CCDC167: variants seen among roughly 807,000 people sequenced by gnomAD.
CCDC167 encodes the protein coiled-coil domain containing 167.
In CCDC167, 15 loss-of-function variants were observed where a neutral mutation model predicts 12.7. The ratio of observed to expected loss-of-function variants is 1.18; its 90% CI spans 0.79 to 1.81. The LOEUF (loss-of-function observed/expected upper bound fraction) is 1.81, where lower values mean the gene tolerates loss of function less well. CCDC167 is among the 40% of genes most tolerant of loss of function. The probability of loss-of-function intolerance (pLI) is 0.00; values close to 1 mark genes in which losing one functional copy is unlikely to be tolerated. For missense variants in CCDC167, 121 were observed against 120.1 expected, an observed-to-expected ratio of 1.01 and a Z score of -0.03; for synonymous variants, 52 against 49.0, an observed-to-expected ratio of 1.06 and a Z score of -0.26.
chr6:37,486,508 TC>T (rs1379710095), intron 1 of CCDC167, among the ~76,000 whole-genome samples: 1 of 152,168 alleles, frequency 6.6e-6, no homozygotes, highest in Non-Finnish European at 1.5e-5. Context: ...CTCAGCCACT[TC>T]CATGTCAGCC....
chr6:37,498,706 TC>T (rs1762127948), intron 1 of CCDC167, among the ~76,000 whole-genome samples: 1 of 151,840 alleles, frequency 6.6e-6, no homozygotes, highest in Admixed American at 6.6e-5. Context: ...GTGCCTGTAA[TC>T]CCAGCTACTC....
chr6:37,489,762 C>G (rs1761992386), intron 1 of CCDC167, among the ~76,000 whole-genome samples: 1 of 152,200 alleles, frequency 6.6e-6, no homozygotes, highest in Non-Finnish European at 1.5e-5. Context: ...GCCACAGGGG[C>G]TCCCAGGACT....
At chr6:37,489,279 T>C (rs1254366668) in intron 1 of CCDC167, among the ~76,000 whole-genome samples, 2 of 150,938 alleles carry the variant, frequency 1.3e-5, no homozygotes, top group Non-Finnish European at 2.9e-5. Context: ...GGGTGTGAGG[T>C]GGAGAGGAAT....
chr6:37,496,701 T>C (rs1762102619), intron 1 of CCDC167, among the ~76,000 whole-genome samples: 1 of 152,230 alleles, frequency 6.6e-6, no homozygotes, highest in African/African-American at 2.4e-5. Flanking sequence ...CAATGTCTCA[T>C]TTAATCCTCA....
At chr6:37,494,091 GT>G (rs1159762036) in intron 1 of CCDC167, among the ~76,000 whole-genome samples, 50 of 108,400 alleles carry the variant, frequency 4.6e-4, no homozygotes, top group African/African-American at 1.6e-3. Flanking sequence ...TTGAGACGAA[GT>G]TTCCCTCTTG....
intron 3 of CCDC167, among the ~76,000 whole-genome samples, chr6:37,483,964 G>A (rs1008664147): frequency 2.6e-5 from 4 of 152,222 alleles, no homozygotes; most frequent in Non-Finnish European, 5.9e-5. Flanking sequence ...GTGGTTTTGT[G>A]TGAAAACCGC....
At chr6:37,484,595 C>G (rs1761917236) in intron 3 of CCDC167, among the ~76,000 whole-genome samples, 1 of 152,220 alleles carries the variant, frequency 6.6e-6, no homozygotes, top group South Asian at 2.1e-4. Flanking sequence ...GCAGACAGAC[C>G]CACAGGCGGT....
chr6:37,486,405 GTT>G (rs913688724), intron 1 of CCDC167, among the ~76,000 whole-genome samples: 3 of 152,214 alleles, frequency 2.0e-5, no homozygotes, highest in African/African-American at 7.2e-5. Context: ...ACAATGGCTG[GTT>G]AGAGGGTAGC....
intron 1 of CCDC167, among the ~76,000 whole-genome samples, chr6:37,486,319 C>G (rs1761942212): frequency 6.6e-6 from 1 of 152,218 alleles, no homozygotes; most frequent in Non-Finnish European, 1.5e-5. Flanking sequence ...TCAGCCAGTT[C>G]TCTGCCCCAT....
rs557236707 is a variant in CCDC167, at chr6:37,499,859, G to C, written c.5C>G (p.Thr2Ser). 1.2e-6 allele frequency: 2 copies of C among 1,614,114 alleles called. No homozygotes were observed. The highest frequency in any genetic ancestry group is 2.2e-5 in the South Asian group (2 of 91,080). ...GCCCAGATTCTCCCGCTTCTTTTTA[G>C]TCATGTTACTTGCCGGGATCCCCCA... M[T>S]KKKRENLGVA... is the part of the protein sequence containing the mutation. Residue 2 changes from threonine (T) to serine (S), a missense_variant, in exon 1 of 4, where the codon ACT becomes AGT. Thr to Ser is a moderately conservative substitution (Grantham distance 58). Coordinates refer to ENST00000373408, the MANE Select transcript of CCDC167 (RefSeq NM_138493.3).
chr6:37,483,433 CCTT>C (rs1369862776), intron 3 of CCDC167, 144 bp from the exon 4 acceptor site: 1 of 622,528 alleles, frequency 1.6e-6, no homozygotes, highest in African/African-American at 1.8e-5. Flanking sequence ...ATGACTCTGC[CCTT>C]CTTAATCTGC....
intron 3 of CCDC167, 57 bp downstream of exon 3, chr6:37,484,753 C>A: frequency 1.2e-6 from 2 of 1,605,718 alleles, no homozygotes; most frequent in Non-Finnish European, 1.7e-6. Context: ...GGCTTCTGAC[C>A]CTTCCTGGTT....
chr6:37,492,831 T>G (rs546815144), intron 1 of CCDC167, among the ~76,000 whole-genome samples: 10 of 152,292 alleles, frequency 6.6e-5, no homozygotes, highest in Admixed American at 2.6e-4. Flanking sequence ...GGCTTTCCAT[T>G]TGGAGCCTTC....
Position 37,484,944 on chromosome 6 carries a change from G to A in CCDC167, c.138-82C>T, listed in dbSNP as rs1031882364. 26 of 1,572,538 alleles carry A rather than the reference G, an allele frequency of 1.7e-5. No individual in the cohort carries two copies. The African/African-American group carries it at 3.4e-4, about 20-fold the overall frequency. ...GGCAGCTGGCATGCCAGTTGGCAGG[G>A]CTTGGGTCTTGTTCGGCGGCAGGGG... is the stretch of plus-strand genomic sequence containing the variant. On this transcript the variant is annotated intron_variant, in intron 2 of 3. Coordinates refer to ENST00000373408, the MANE Select transcript of CCDC167 (RefSeq NM_138493.3).
intron 1 of CCDC167, among the ~76,000 whole-genome samples, chr6:37,493,933 C>T (rs1762063341): frequency 6.6e-6 from 1 of 152,212 alleles, no homozygotes; most frequent in Non-Finnish European, 1.5e-5. Context: ...CCCTGCCCCA[C>T]GGAGGCTACT....
chr6:37,487,965 A>T (rs773035711), intron 1 of CCDC167, among the ~76,000 whole-genome samples: 56 of 152,230 alleles, frequency 3.7e-4, no homozygotes, highest in Non-Finnish European at 7.5e-4. Context: ...GCTCTCGCTG[A>T]TTCCCTTCTA....
At chr6:37,490,299 A>T (rs1385027366) in intron 1 of CCDC167, among the ~76,000 whole-genome samples, 1 of 152,198 alleles carries the variant, frequency 6.6e-6, no homozygotes, top group Non-Finnish European at 1.5e-5. Context: ...AGAGACCAGC[A>T]GTGGCTAAAA....
chr6:37,491,437 T>C (rs1762020754), intron 1 of CCDC167, among the ~76,000 whole-genome samples: 1 of 152,192 alleles, frequency 6.6e-6, no homozygotes, highest in African/African-American at 2.4e-5. Flanking sequence ...CACTCTGCTT[T>C]CTGATTTAGG....
chr6:37,496,790 T>C (rs139587538), intron 1 of CCDC167, among the ~76,000 whole-genome samples: 1 of 152,360 alleles, frequency 6.6e-6, no homozygotes, highest in African/African-American at 2.4e-5. Context: ...TCTTCCTCCA[T>C]AGTAAGCAAA....
Sources: allele counts gnomAD v4.1 joint callset (sites outside exome capture counted in the v4.1 genomes callset), GRCh38; gene constraint gnomAD v4.1.1; transcripts MANE v1.5; gene names NCBI Gene and HGNC (gene_info 2026-07-23, HGNC 2026-07-21).